ADGRL3: variants seen among roughly 807,000 people sequenced by gnomAD.
ADGRL3 encodes the protein adhesion G protein-coupled receptor L3.
A neutral mutation model predicts 153.5 loss-of-function variants in ADGRL3; 62 were observed. The observed-to-expected ratio is 0.40, with a 90% CI of 0.33 to 0.50. ADGRL3 has a LOEUF of 0.50. ADGRL3 is among the 20% of genes least tolerant of loss of function. ADGRL3 has a pLI of 0.47. For missense variants in ADGRL3, 1,641 were observed against 1,859.4 expected (o/e 0.88, Z 2.16); for synonymous variants, 710 against 672.5 (o/e 1.06, Z -0.86).
chr4:61,935,303 TTATG>T (rs1163622790), intron 14 of ADGRL3, among the ~76,000 whole-genome samples: 1 of 152,156 alleles, frequency 6.6e-6, no homozygotes, highest in East Asian at 1.9e-4. Flanking sequence ...TAAAGGACTT[TTATG>T]TATGTATTAC....
chr4:61,427,689 A>T (rs1397271715), intron 2 of ADGRL3: 1 of 152,688 alleles, frequency 6.5e-6, no homozygotes, highest in Non-Finnish European at 1.5e-5. Flanking sequence ...TTGGTATCAG[A>T]CCTGGCGGGG....
chr4:61,840,550 A>G (rs1245987179), intron 9 of ADGRL3, among the ~76,000 whole-genome samples: 1 of 152,172 alleles, frequency 6.6e-6, no homozygotes, highest in Non-Finnish European at 1.5e-5. Flanking sequence ...CTGCGGAAAT[A>G]CTACTGGACT....
intron 2 of ADGRL3, among the ~76,000 whole-genome samples, chr4:61,467,927 C>A (rs1466087773): frequency 2.0e-5 from 3 of 151,996 alleles, no homozygotes; most frequent in African/African-American, 7.3e-5. Context: ...GTAATTTAAC[C>A]TATATAAACT....
intron 9 of ADGRL3, among the ~76,000 whole-genome samples, chr4:61,885,598 A>T (rs1358618459): frequency 6.6e-6 from 1 of 152,228 alleles, no homozygotes; most frequent in Non-Finnish European, 1.5e-5. Flanking sequence ...TCTGGACCAT[A>T]GTAACGCCTA....
intron 2 of ADGRL3, among the ~76,000 whole-genome samples, chr4:61,467,861 A>G (rs1355697407): frequency 6.6e-6 from 1 of 152,186 alleles, no homozygotes; most frequent in African/African-American, 2.4e-5. Flanking sequence ...TTGCTTTTTA[A>G]GAATTCACAT....
chr4:61,888,167 A>G (rs62304415), intron 9 of ADGRL3, among the ~76,000 whole-genome samples: 25,492 of 152,212 alleles, frequency 0.17, 2,300 homozygotes, highest in Middle Eastern at 0.2. Context: ...TATAAGCACA[A>G]TGAGCACAAA....
chr4:61,797,856 T>C (rs2097433748), intron 8 of ADGRL3, among the ~76,000 whole-genome samples: 3 of 152,200 alleles, frequency 2.0e-5, no homozygotes. Flanking sequence ...GTTAAATAAT[T>C]AATGTCAAAT....
In ADGRL3 at chr4:61,595,709, C is replaced by T. The variant is rs990871391; in HGVS notation, c.473+8269C>T. Among the ~76,000 whole-genome samples, 8 of 152,156 alleles carry T rather than the reference C, an allele frequency of 5.3e-5. No individual in the cohort carries two copies. In the South Asian group the frequency reaches 1.4e-3, roughly 28 times the overall value. On this transcript the variant is annotated intron_variant, in intron 5 of 26. Transcript: ENST00000683033. ...CACATGCCACCCAAGTTCACTGGCT[C>T]TAAGCCTAGCCTAGCACTAGGAATT...
At chr4:61,788,101 A>G (rs143744224) in intron 8 of ADGRL3, among the ~76,000 whole-genome samples, 320 of 152,314 alleles carry the variant, frequency 2.1e-3, no homozygotes, top group African/African-American at 7.4e-3. Flanking sequence ...TAACCATTAG[A>G]GCAACTCATA....
intron 25 of ADGRL3, among the ~76,000 whole-genome samples, chr4:62,066,208 A>C (rs537874753): frequency 1.2e-3 from 177 of 152,166 alleles, no homozygotes; most frequent in Non-Finnish European, 2.0e-3. Context: ...AGATGAATGC[A>C]CTTATATTCT....
At chr4:61,359,180 C>G (rs148134677) in intron 1 of ADGRL3, among the ~76,000 whole-genome samples, 18 of 152,282 alleles carry the variant, frequency 1.2e-4, no homozygotes, top group African/African-American at 4.1e-4. Context: ...GCTGCTGATA[C>G]TTTGCAACCA....
intron 1 of ADGRL3, among the ~76,000 whole-genome samples, chr4:61,213,325 A>G (rs565273158): frequency 1.3e-5 from 2 of 152,122 alleles, no homozygotes; most frequent in Non-Finnish European, 2.9e-5. Context: ...TTACTCTGGA[A>G]TGAATTTTTC....
intron 11 of ADGRL3, 25 bp downstream of exon 11, chr4:61,895,859 G>T (rs372802184): frequency 2.5e-5 from 34 of 1,343,898 alleles, no homozygotes; most frequent in Non-Finnish European, 3.3e-5. Context: ...TGACAAGAAA[G>T]TCTTTGCTAA....
chr4:61,911,644 C>T (rs1434908972), intron 12 of ADGRL3, among the ~76,000 whole-genome samples: 1 of 152,062 alleles, frequency 6.6e-6, no homozygotes, highest in Admixed American at 6.6e-5. Context: ...CGATGCAAGT[C>T]AGTGATCCAA....
At chr4:62,054,552 C>T (rs1735973715) in intron 25 of ADGRL3, among the ~76,000 whole-genome samples, 2 of 151,292 alleles carry the variant, frequency 1.3e-5, no homozygotes, top group African/African-American at 4.8e-5. Context: ...AAATATAAAA[C>T]CTTAAAACTT....
intron 4 of ADGRL3, among the ~76,000 whole-genome samples, chr4:61,578,996 T>C (rs2098909768): frequency 6.6e-6 from 1 of 152,090 alleles, no homozygotes; most frequent in Non-Finnish European, 1.5e-5. Flanking sequence ...TCTGGTCTTG[T>C]TAATCATGAG....
chr4:61,745,009 G>T (rs1283013944), intron 8 of ADGRL3, among the ~76,000 whole-genome samples: 2 of 152,154 alleles, frequency 1.3e-5, no homozygotes, highest in African/African-American at 4.8e-5. Flanking sequence ...CCAACACAGA[G>T]AAGTGCTTAA....
At chr4:61,742,267 C>CTCTTCT (rs913881499) in intron 8 of ADGRL3, among the ~76,000 whole-genome samples, 4 of 151,708 alleles carry the variant, frequency 2.6e-5, no homozygotes, top group African/African-American at 9.7e-5. Context: ...ATTATTCTTA[C>CTCTTCT]TCTTCTTCTT....
chr4:61,568,283 A>T (rs2098824500), intron 4 of ADGRL3, among the ~76,000 whole-genome samples: 3 of 152,128 alleles, frequency 2.0e-5, no homozygotes, highest in Admixed American at 2.0e-4. Context: ...AATAAGAATT[A>T]TGATAATTTC....
Sources: allele counts gnomAD v4.1 joint callset (sites outside exome capture counted in the v4.1 genomes callset), GRCh38; gene constraint gnomAD v4.1.1; transcripts MANE v1.5; gene names NCBI Gene and HGNC (gene_info 2026-07-23, HGNC 2026-07-21).